PSD3: variants seen among roughly 807,000 people sequenced by gnomAD.
PSD3 encodes the protein PH and SEC7 domain-containing protein 3.
In PSD3, 49 loss-of-function variants were observed where a neutral mutation model predicts 105.5. That is an observed-to-expected ratio of 0.46 (90% CI 0.37 to 0.59). The LOEUF (loss-of-function observed/expected upper bound fraction) is 0.59. Among genes scored for constraint, PSD3 ranks in the 20% least tolerant of loss-of-function variants. The probability of loss-of-function intolerance (pLI) is 0.00; values close to 1 mark genes in which losing one functional copy is unlikely to be tolerated. For synonymous variants in PSD3, 557 were observed against 457.8 expected (o/e 1.22, Z -2.77); for missense variants, 1,561 against 1,263.8 (o/e 1.24, Z -3.57).
At chr8:18,986,578 C>T (rs1035096390) in intron 1 of PSD3, among the ~76,000 whole-genome samples, 58 of 149,730 alleles carry the variant, frequency 3.9e-4, no homozygotes, top group African/African-American at 1.4e-3. Context: ...AAAAAAAGTT[C>T]AATGTTTGAA....
chr8:18,805,350 A>G (rs1811109287), intron 4 of PSD3, among the ~76,000 whole-genome samples: 1 of 152,234 alleles, frequency 6.6e-6, no homozygotes, highest in African/African-American at 2.4e-5. Flanking sequence ...CTGGCTTACT[A>G]CAAGACAGTT....
chr8:19,020,582 G>C (rs562736909), intron 1 of PSD3, among the ~76,000 whole-genome samples: 1 of 152,054 alleles, frequency 6.6e-6, no homozygotes, highest in Admixed American at 6.6e-5. Context: ...TAGGATGATC[G>C]ACTTAGATTT....
intron 4 of PSD3, among the ~76,000 whole-genome samples, chr8:18,831,600 T>C (rs908246486): frequency 2.6e-5 from 4 of 152,158 alleles, no homozygotes; most frequent in African/African-American, 9.7e-5. Context: ...CGGGCGCCTA[T>C]AGTCCCAGCT....
chr8:18,690,213 C>G (rs149343299), intron 9 of PSD3, among the ~76,000 whole-genome samples: 289 of 152,296 alleles, frequency 1.9e-3, no homozygotes, highest in African/African-American at 6.3e-3. Context: ...AGCGTAGGAA[C>G]TGGTCTTGGA....
chr8:18,971,697 C>T (rs1286356979), intron 1 of PSD3, among the ~76,000 whole-genome samples: 1 of 152,156 alleles, frequency 6.6e-6, no homozygotes, highest in African/African-American at 2.4e-5. Flanking sequence ...CGGAGGGTCC[C>T]TTCCTGTTCT....
rs550202529 is a variant in PSD3, at chr8:18,616,829, T to C, written c.2410+15784A>G. ...TAGTAGAGACGGGGTTTCACCGTTT[T>C]AGCCGGGATGGTCTCGATCTCGTGA... On this transcript the variant is annotated intron_variant, in intron 11 of 15. Transcript: ENST00000327040. 3.1e-3 allele frequency among the ~76,000 whole-genome samples: 464 copies of C among 151,764 alleles called. 1 individual carries two copies. The highest frequency in any genetic ancestry group is 0.011 in the African/African-American group (441 of 41,384).
intron 2 of PSD3, among the ~76,000 whole-genome samples, chr8:18,895,914 T>C (rs1433607194): frequency 6.6e-6 from 1 of 152,234 alleles, no homozygotes; most frequent in African/African-American, 2.4e-5. Context: ...CCTAGCTAGC[T>C]GTACCTTTGT....
At chr8:18,690,199 C>A (rs766905920) in intron 9 of PSD3, among the ~76,000 whole-genome samples, 3 of 152,084 alleles carry the variant, frequency 2.0e-5, no homozygotes, top group Non-Finnish European at 2.9e-5. Flanking sequence ...TCAACTGTAC[C>A]AATAGCGTAG....
In PSD3 at chr8:18,636,177, G is replaced by A. The variant is rs1029195507; in HGVS notation, c.2217-3371C>T. ...TGATATTGATGATCCTGACCCTTGT[G>A]TGGCCCTAAGCCAGCGTGTGTATTT... On this transcript the variant is annotated intron_variant, in intron 10 of 15. Coordinates refer to ENST00000327040, the MANE Select transcript of PSD3 (RefSeq NM_015310.4). 3.9e-5 allele frequency among the ~76,000 whole-genome samples: 6 copies of A among 152,136 alleles called. No individual in the cohort carries two copies. In the East Asian group the frequency reaches 1.2e-3, roughly 29 times the overall value.
chr8:18,537,631 TG>T (rs1414157151), intron 15 of PSD3, among the ~76,000 whole-genome samples: 2 of 152,084 alleles, frequency 1.3e-5, no homozygotes, highest in Non-Finnish European at 2.9e-5. Context: ...TTTTGCTTTC[TG>T]ATAAAAGGGA....
rs1489119353 is a variant in PSD3 at position 18,811,273 on chromosome 8, T to TGCTTTACTACTTTTATAA, written c.1635-6393_1635-6376dup. On this transcript the variant is annotated intron_variant, in intron 4 of 15. Coordinates refer to ENST00000327040, the MANE Select transcript of PSD3 (RefSeq NM_015310.4). ...CTGGACATGGTCAGTGAGACTCCAA[T>TGCTTTACTACTTTTATAA]GCTTTACTACTTTTATAAGCTTTAC... 1.4e-4 allele frequency among the ~76,000 whole-genome samples: 21 copies of TGCTTTACTACTTTTATAA among 152,330 alleles called. No individual in the cohort carries two copies. In the Middle Eastern group the frequency reaches 0.014, roughly 99 times the overall value.
chr8:18,697,272 C>G (rs558657026), intron 9 of PSD3, among the ~76,000 whole-genome samples: 1 of 152,194 alleles, frequency 6.6e-6, no homozygotes, highest in Admixed American at 6.5e-5. Context: ...CTGGGTATCA[C>G]AGGCAAGGGG....
rs985489887 is a variant in PSD3, at chr8:18,808,494, T to C, written c.1635-3596A>G. Among the ~76,000 whole-genome samples the C allele has an allele frequency of 6.6e-5, 10 of 152,232 alleles. No homozygotes were observed. The South Asian group carries it at 8.3e-4, about 13-fold the overall frequency. Reference sequence around the variant, plus strand: ...CTCCATATTTGCCCCTTTTCTACTATGCTGCCCAGTCCAGATGATTTCACC... The same window carrying C: ...CTCCATATTTGCCCCTTTTCTACTACGCTGCCCAGTCCAGATGATTTCACC... On this transcript the variant is annotated intron_variant, in intron 4 of 15. Transcript: ENST00000327040.
chr8:18,754,901 A>G (rs1359378527), intron 9 of PSD3, among the ~76,000 whole-genome samples: 1 of 152,142 alleles, frequency 6.6e-6, no homozygotes, highest in African/African-American at 2.4e-5. Flanking sequence ...TGGCTAAGTA[A>G]ATACCATGTT....
At chr8:19,073,550 C>CAAAAAAAAAAAA (rs869154642) in intron 1 of PSD3, among the ~76,000 whole-genome samples, 38 of 69,154 alleles carry the variant, frequency 5.5e-4, no homozygotes, top group African/African-American at 1.9e-3. Flanking sequence ...AACTGTCTCT[C>CAAAAAAAAAAAA]AAAAAAAAAA....
At chr8:18,986,315 C>T (rs910546787) in intron 1 of PSD3, among the ~76,000 whole-genome samples, 5 of 152,230 alleles carry the variant, frequency 3.3e-5, no homozygotes, top group African/African-American at 1.2e-4. Context: ...AAGTTTTTCA[C>T]TTGTTTTTGT....
At chr8:18,755,108 T>C (rs1019982213) in intron 9 of PSD3, among the ~76,000 whole-genome samples, 2 of 152,028 alleles carry the variant, frequency 1.3e-5, no homozygotes, top group Non-Finnish European at 2.9e-5. Flanking sequence ...GGGGCAGCAA[T>C]CTTGGACTGT....
At position 18,655,680 on chromosome 8, in the gene PSD3, C is replaced by A; in HGVS notation, c.2178G>T (p.Leu726=). Reference sequence around the variant, plus strand: ...GCTTCTCATTCTTGATTGAGTTGTACAGAGCCTGTAAAGAGAGAAAATGAG... The same window carrying A: ...GCTTCTCATTCTTGATTGAGTTGTAAAGAGCCTGTAAAGAGAGAAAATGAG... ...VDFSKDLLKA[L]YNSIKNEKLE... The change falls in exon 10 of 16, where the codon CTG becomes CTT. Residue 726 remains leucine, a synonymous_variant. Transcript: ENST00000327040. 1.2e-6 allele frequency: 2 copies of A among 1,613,590 alleles called. No individual in the cohort carries two copies. Among genetic ancestry groups the A allele is most frequent in the Non-Finnish European group, 1.7e-6 (2 of 1,179,598 alleles).
chr8:18,920,224 G>A (rs1820918543), intron 2 of PSD3, among the ~76,000 whole-genome samples: 4 of 151,998 alleles, frequency 2.6e-5, no homozygotes, highest in Admixed American at 1.3e-4. Flanking sequence ...ATACCTTTTC[G>A]TAACATTTTG....
Sources: allele counts gnomAD v4.1 joint callset (sites outside exome capture counted in the v4.1 genomes callset), GRCh38; gene constraint gnomAD v4.1.1; transcripts MANE v1.5; gene names NCBI Gene and HGNC (gene_info 2026-07-23, HGNC 2026-07-21).